EXOC7: variants seen among roughly 807,000 people sequenced by gnomAD.
EXOC7 encodes the protein exocyst complex component 7.
In EXOC7, 51 loss-of-function variants were observed where a neutral mutation model predicts 87.6. The ratio of observed to expected loss-of-function variants is 0.58; its 90% confidence interval spans 0.46 to 0.73. The LOEUF (loss-of-function observed/expected upper bound fraction) is 0.73, where lower values mean the gene tolerates loss of function less well. Ranked by LOEUF, EXOC7 falls within the 30% of genes least tolerant of loss-of-function variation. EXOC7 has a pLI of 0.00. For missense variants in EXOC7, 744 were observed against 888.4 expected (o/e 0.84, Z 2.07); for synonymous variants, 327 against 357.1 (o/e 0.92, Z 0.95).
At chr17:76,098,217 A>C (rs1598341812) in intron 4 of EXOC7, 199 bp from the exon 5 acceptor site, 1 of 545,754 alleles carries the variant, frequency 1.8e-6, no homozygotes, top group Non-Finnish European at 3.3e-6. Flanking sequence ...GCTCACTGCA[A>C]CCTCCGACTT....
Position 76,091,328 on chromosome 17 carries a change from G to A in EXOC7, c.809-93C>T, listed in dbSNP as rs1042011296. On this transcript the variant is annotated intron_variant, in intron 6 of 18. Coordinates refer to ENST00000589210, the MANE Select transcript of EXOC7 (RefSeq NM_001013839.4). Reference sequence around the variant, plus strand: ...GCCCTCCACCTGCCCCCCAGGCCCCGCACCCAGCTCCCCAACAGTGAGCAG... The same window carrying A: ...GCCCTCCACCTGCCCCCCAGGCCCCACACCCAGCTCCCCAACAGTGAGCAG... The A allele has an allele frequency of 3.8e-5, 38 of 998,414 alleles. No individual in the cohort carries two copies. In the East Asian group the frequency reaches 6.7e-4, roughly 18 times the overall value. 61.8% of individuals were successfully genotyped at this position (998,414 alleles called of 1,614,324 possible).
intron 15 of EXOC7, 115 bp from the exon 16 acceptor site, chr17:76,084,695 G>C: frequency 1.2e-6 from 1 of 813,296 alleles, no homozygotes; most frequent in South Asian, 1.7e-5. Flanking sequence ...GAAGGGATGT[G>C]GGTCACAACT....
intron 12 of EXOC7, 192 bp downstream of exon 12, chr17:76,087,462 T>C: frequency 1.7e-6 from 1 of 599,716 alleles, no homozygotes; most frequent in South Asian, 2.1e-5. Context: ...GGGCCAGAGG[T>C]CCAGTGTCTG....
intron 9 of EXOC7, 40 bp downstream of exon 9, chr17:76,088,731 G>A: frequency 6.2e-7 from 1 of 1,610,960 alleles, no homozygotes; most frequent in Non-Finnish European, 8.5e-7. Context: ...GCAGCACGAT[G>A]CCTCCTGGCT....
chr17:76,082,116 G>C lies in EXOC7; in HGVS notation c.*1532C>G, dbSNP rs1598285144. 6.6e-7 allele frequency: 1 copy of C among 1,516,142 alleles called. No individual in the cohort carries two copies. The highest frequency in any genetic ancestry group is 2.4e-5 in the East Asian group (1 of 40,822). 93.9% of individuals were successfully genotyped at this position (1,516,142 alleles called of 1,614,324 possible). On this transcript the variant is annotated 3_prime_UTR_variant, in exon 19 of 19. Transcript: ENST00000589210. Reference sequence around the variant, plus strand: ...CACCTAGGGCTGGGGTGAGGGCACGGAGGTCCAGGTGTGGGTAGAGGCCCC... The same window carrying C: ...CACCTAGGGCTGGGGTGAGGGCACGCAGGTCCAGGTGTGGGTAGAGGCCCC...
At position 76,086,108 on chromosome 17, in the gene EXOC7, G is replaced by A. The variant is rs2067200346; in HGVS notation, c.1467C>T (p.Phe489=). Residue 489 remains phenylalanine, a synonymous_variant, in exon 13 of 19, where the codon TTC becomes TTT. Coordinates refer to ENST00000589210, the MANE Select transcript of EXOC7 (RefSeq NM_001013839.4). ...SSSATSYSSE[F]SKRLLSTYIC... ...TATAGGTGCTTAGCAGCCGCTTGCT[G>A]AACTCAGAGCTGTAGCTGGTGGCCG... is the stretch of plus-strand genomic sequence containing the variant. 2.5e-6 allele frequency: 4 copies of A among 1,613,782 alleles called. No individual in the cohort carries two copies. Among genetic ancestry groups the A allele is most frequent in the East Asian group, 2.2e-5 (1 of 44,898 alleles).
rs1213401698 is a variant in EXOC7 at position 76,081,417 on chromosome 17, G to A, written c.*2231C>T. 5 of 1,613,752 alleles carry A rather than the reference G, an allele frequency of 3.1e-6. No homozygotes were observed. The South Asian group carries it at 3.3e-5, about 11-fold the overall frequency. On this transcript the variant is annotated 3_prime_UTR_variant, in exon 19 of 19. Transcript: ENST00000589210. The stretch of plus-strand genomic sequence containing the variant: ...TCCAGGTGACGGTGAGTCAAGTCGG[G>A]AGGAGGCCGACAGAGGGCTGCTGGA...
In EXOC7 at chr17:76,088,887, T is replaced by C. The variant is rs1429835793; in HGVS notation, c.1084A>G (p.Ile362Val). Residue 362 changes from isoleucine to valine, a missense_variant, in exon 9 of 19, where the codon ATC becomes GTC. Ile to Val is a conservative substitution (Grantham distance 29). Around this residue, in one of 3 missense-constraint regions of EXOC7, gnomAD observed 512 missense variants for 573.0 expected, o/e 0.89. Coordinates refer to ENST00000589210, the MANE Select transcript of EXOC7 (RefSeq NM_001013839.4). The part of the protein sequence containing the change: ...LDGLMLEGEN[I>V]VSAARKAIVR... ...ATGGCCTTCCGGGCAGCAGACACGA[T>C]GTTCTCCCCTTCAAGCATCAGCCCA... 3.1e-6 allele frequency: 5 copies of C among 1,613,316 alleles called. No homozygotes were observed. In the African/African-American group the frequency reaches 4.0e-5, roughly 13 times the overall value.
rs968172730 is a variant in EXOC7 at position 76,094,709 on chromosome 17, C to A, written c.641-128G>T. 5 of 903,300 alleles carry A rather than the reference C, an allele frequency of 5.5e-6. No individual in the cohort carries two copies. In the Admixed American group the frequency reaches 1.1e-4, roughly 20 times the overall value. 56.0% of individuals were successfully genotyped at this position (903,300 alleles called of 1,614,324 possible). ...TGCTCCCTGCTCTGGTCACAAGCCA[C>A]CCATATCTTGTCCCAAATCAGGCAA... is the stretch of plus-strand genomic sequence containing the variant. On this transcript the variant is annotated intron_variant, in intron 5 of 18. Transcript: ENST00000589210.
Position 76,083,469 on chromosome 17 carries a change from C to A in EXOC7, c.*179G>T. The A allele has an allele frequency of 4.8e-6, 3 of 625,376 alleles. No homozygotes were observed. Among genetic ancestry groups the A allele is most frequent in the East Asian group, 2.8e-5 (1 of 35,890 alleles). The allele number at this position is 625,376 out of a possible 1,614,324, so 38.7% of individuals were successfully genotyped here. ...GTGCTGGTTCGGCTGGGAACACGGG[C>A]TGTGGGGAAAAAGCAGGAGCCAGGA... On this transcript the variant is annotated 3_prime_UTR_variant, in exon 19 of 19. Transcript: ENST00000589210.
intron 5 of EXOC7, among the ~76,000 whole-genome samples, chr17:76,095,967 GAA>G (rs2067726871): frequency 6.6e-6 from 1 of 152,188 alleles, no homozygotes; most frequent in African/African-American, 2.4e-5. Context: ...AACCCCGACA[GAA>G]GAAATGAACC....
At chr17:76,099,926 A>G (rs1454395486) in intron 4 of EXOC7, among the ~76,000 whole-genome samples, 1 of 152,014 alleles carries the variant, frequency 6.6e-6, no homozygotes, top group Non-Finnish European at 1.5e-5. Context: ...AACACAGGAG[A>G]CCTCATCTCT....
rs1206990060 is a variant in EXOC7, at chr17:76,081,827, A to C, written c.*1821T>G. 3 of 1,609,756 alleles carry C rather than the reference A, an allele frequency of 1.9e-6. No individual in the cohort carries two copies. Among genetic ancestry groups the C allele is most frequent in the Non-Finnish European group, 2.5e-6 (3 of 1,177,150 alleles). On this transcript the variant is annotated 3_prime_UTR_variant, in exon 19 of 19. Transcript: ENST00000589210. ...CCCACTGGTGCTCAGCTCGCTGGGC[A>C]CCAGAGACACAGGGACTGGCCCCTG...
chr17:76,099,087 C>A (rs1359924086), intron 4 of EXOC7, among the ~76,000 whole-genome samples: 1 of 152,060 alleles, frequency 6.6e-6, no homozygotes, highest in African/African-American at 2.4e-5. Flanking sequence ...ACAGGTATCC[C>A]AAACATAAAA....
chr17:76,100,384 T>C (rs1382659473), intron 4 of EXOC7, among the ~76,000 whole-genome samples: 4 of 151,922 alleles, frequency 2.6e-5, no homozygotes, highest in African/African-American at 7.3e-5. Context: ...TCCCAGCACC[T>C]TGGGAGCTGA....
At chr17:76,090,609 A>G in intron 7 of EXOC7, 2 of 848,554 alleles carry the variant, frequency 2.4e-6, no homozygotes, top group Non-Finnish European at 3.6e-6. Context: ...GTGAGCACCC[A>G]GGACCGTCCT....
rs1426347804 is a variant in EXOC7, at chr17:76,086,148, G to T, written c.1430-3C>A. On this transcript the variant is annotated splice_polypyrimidine_tract_variant and splice_region_variant and intron_variant, in intron 12 of 18. Coordinates refer to ENST00000589210, the MANE Select transcript of EXOC7 (RefSeq NM_001013839.4). ...GCTGGTGGCCGAAGAGCTGGTCTCT[G>T]TGAGAGGAGAAGTCCTGTTATTGCA... The T allele has an allele frequency of 1.2e-6, 2 of 1,613,456 alleles. No homozygotes were observed. Among genetic ancestry groups the T allele is most frequent in the South Asian group, 2.2e-5 (2 of 91,026 alleles).
At chr17:76,101,914 G>T in intron 2 of EXOC7, 51 bp from the exon 3 acceptor site, 1 of 1,474,004 alleles carries the variant, frequency 6.8e-7, no homozygotes. Flanking sequence ...TCCCAGCACT[G>T]CTTCTACACA....
At chr17:76,093,651 C>T (rs965406111) in intron 6 of EXOC7, 2 of 152,332 alleles carry the variant, frequency 1.3e-5, no homozygotes, top group African/African-American at 4.8e-5. Context: ...AGCCCCACCC[C>T]AGAACATCCC....
Sources: allele counts gnomAD v4.1 joint callset (sites outside exome capture counted in the v4.1 genomes callset), GRCh38; gene constraint gnomAD v4.1.1; regional missense constraint gnomAD v4.1.1; transcripts MANE v1.5; gene names NCBI Gene and HGNC (gene_info 2026-07-23, HGNC 2026-07-21).